Variants in MAST2 observed in about 807,000 individuals in gnomAD.
MAST2 encodes the protein microtubule associated serine/threonine kinase 2.
MAST2 carries 70 observed loss-of-function variants against 147.4 expected under a neutral mutation model. That is an observed-to-expected ratio of 0.47 (90% CI 0.39 to 0.58). MAST2 has a LOEUF of 0.58. Ranked by LOEUF, MAST2 falls within the 20% of genes least tolerant of loss-of-function variation. The pLI is 0.00. For synonymous variants in MAST2, 869 were observed against 896.8 expected, an observed-to-expected ratio of 0.97 and a Z score of 0.55; for missense variants, 2,080 against 2,302.3, an observed-to-expected ratio of 0.90 and a Z score of 1.98.
intron 1 of MAST2, among the ~76,000 whole-genome samples, chr1:45,823,308 A>T (rs1213748940): frequency 6.7e-6 from 1 of 149,674 alleles, no homozygotes; most frequent in Non-Finnish European, 1.5e-5. Context: ...TGTTTTTCAA[A>T]TGGCAGGTGA....
At chr1:45,998,922 C>T (rs1257513504) in intron 6 of MAST2, among the ~76,000 whole-genome samples, 1 of 152,034 alleles carries the variant, frequency 6.6e-6, no homozygotes, top group Non-Finnish European at 1.5e-5. Flanking sequence ...TTGATAGAGA[C>T]GGGGTTCCAC....
intron 3 of MAST2, among the ~76,000 whole-genome samples, chr1:45,854,230 G>A (rs151299597): frequency 7.2e-5 from 11 of 151,964 alleles, no homozygotes; most frequent in African/African-American, 1.2e-4. Flanking sequence ...TCATCTACTC[G>A]GGAGGCTGAG....
Position 46,022,807 on chromosome 1 carries a change from A to G in MAST2, c.1424-103A>G, listed in dbSNP as rs1227691290. On this transcript the variant is annotated intron_variant, in intron 12 of 28. Coordinates refer to ENST00000361297, the MANE Select transcript of MAST2 (RefSeq NM_015112.3). ...ATTCACATCCTAGGCTGATGCAAAA[A>G]GCATTAATGACTACCCTACATGCAC... 10 of 842,594 alleles carry G rather than the reference A, an allele frequency of 1.2e-5. No individual in the cohort carries two copies. In the Admixed American group the frequency reaches 1.6e-4, roughly 13 times the overall value. The allele number at this position is 842,594 out of a possible 1,614,324, so 52.2% of individuals were successfully genotyped here.
chr1:45,934,096 GTGTCTATTA>G (rs1655812157), intron 4 of MAST2, among the ~76,000 whole-genome samples: 1 of 151,970 alleles, frequency 6.6e-6, no homozygotes, highest in African/African-American at 2.4e-5. Context: ...GTAGGCCTTG[GTGTCTATTA>G]TTCCCTTCCT....
intron 4 of MAST2, among the ~76,000 whole-genome samples, chr1:45,927,472 CT>C (rs1342623318): frequency 6.6e-6 from 1 of 152,174 alleles, no homozygotes; most frequent in Non-Finnish European, 1.5e-5. Context: ...GGCGCGTATT[CT>C]CTTTCTCAGG....
At chr1:46,019,738 G>C in intron 11 of MAST2, 41 bp downstream of exon 11, 1 of 1,521,822 alleles carries the variant, frequency 6.6e-7, no homozygotes, top group Non-Finnish European at 9.1e-7. Flanking sequence ...AGATTTAGAG[G>C]AGGACTATAG....
At chr1:45,892,168 A>G (rs953948541) in intron 4 of MAST2, among the ~76,000 whole-genome samples, 1 of 152,218 alleles carries the variant, frequency 6.6e-6, no homozygotes, top group Non-Finnish European at 1.5e-5. Flanking sequence ...TTTTACAATT[A>G]TATTCTGGTC....
intron 4 of MAST2, among the ~76,000 whole-genome samples, chr1:45,933,983 T>C (rs7530480): frequency 0.8 from 120,789 of 151,386 alleles, 48,675 homozygotes; most frequent in East Asian, 0.98. Context: ...AATTGTGTGT[T>C]GTGGGGATTT....
At chr1:45,949,319 C>T (rs917365656) in intron 4 of MAST2, among the ~76,000 whole-genome samples, 9 of 152,276 alleles carry the variant, frequency 5.9e-5, no homozygotes, top group African/African-American at 2.2e-4. Context: ...TTGCAATCTG[C>T]ATCTGACAAA....
At chr1:45,809,919 C>A (rs182735196) in intron 1 of MAST2, among the ~76,000 whole-genome samples, 1 of 152,270 alleles carries the variant, frequency 6.6e-6, no homozygotes, top group East Asian at 1.9e-4. Context: ...ATTGTTTGAT[C>A]CATTCCTGGT....
At chr1:46,007,787 C>G (rs905358638) in intron 8 of MAST2, among the ~76,000 whole-genome samples, 1 of 152,200 alleles carries the variant, frequency 6.6e-6, no homozygotes, top group African/African-American at 2.4e-5. Context: ...GTAAATCACC[C>G]AGATGTATAA....
chr1:45,949,844 T>G (rs1658667704), intron 4 of MAST2, among the ~76,000 whole-genome samples: 1 of 152,152 alleles, frequency 6.6e-6, no homozygotes, highest in Admixed American at 6.6e-5. Context: ...ATAGATGGGA[T>G]AAAGAAAATG....
At chr1:45,845,555 AC>A (rs1305446371) in intron 3 of MAST2, among the ~76,000 whole-genome samples, 10 of 152,308 alleles carry the variant, frequency 6.6e-5, no homozygotes, top group African/African-American at 2.2e-4. Flanking sequence ...TTTAGGAAAA[AC>A]ATTGTACAAC....
At chr1:45,968,696 C>G (rs1643748774) in intron 5 of MAST2, among the ~76,000 whole-genome samples, 1 of 151,800 alleles carries the variant, frequency 6.6e-6, no homozygotes, top group African/African-American at 2.4e-5. Flanking sequence ...ATTTATCCTG[C>G]TTGGTATTTT....
At chr1:46,014,396 A>G (rs58888694) in intron 10 of MAST2, among the ~76,000 whole-genome samples, 1,492 of 133,544 alleles carry the variant, frequency 0.011, 15 homozygotes, top group East Asian at 0.037. Flanking sequence ...TCATTGTTCA[A>G]TTCCCACCTA....
chr1:46,002,717 G>A, intron 6 of MAST2, 88 bp from the exon 7 acceptor site: 1 of 1,116,580 alleles, frequency 9.0e-7, no homozygotes, highest in Non-Finnish European at 1.4e-6. Flanking sequence ...TGAATCAACT[G>A]CCCCCAAAAT....
chr1:45,834,878 C>G (rs1244122821), intron 3 of MAST2, among the ~76,000 whole-genome samples: 2 of 151,950 alleles, frequency 1.3e-5, no homozygotes, highest in Non-Finnish European at 2.9e-5. Flanking sequence ...CATTCTAAGA[C>G]TCACCCTACC....
Position 45,803,966 on chromosome 1 carries a change from G to T in MAST2, c.71G>T (p.Arg24Leu). The change falls in exon 1 of 29, where the codon CGG (arginine) becomes CTG (leucine). Residue 24 changes from arginine (R) to leucine (L), a missense_variant. Transcript: ENST00000361297. Reference sequence around the variant, plus strand: ...GACCGCCGGGAGGATGGAGTTCAGCGGGCAGCGGAGCTGTCTCAGTCTTTG... The same window carrying T: ...GACCGCCGGGAGGATGGAGTTCAGCTGGCAGCGGAGCTGTCTCAGTCTTTG... ...PPDRREDGVQRAAELSQSLPP... is the reference protein window; with the variant it reads ...PPDRREDGVQLAAELSQSLPP... 1 of 1,039,148 alleles carries T rather than the reference G, an allele frequency of 9.6e-7. No homozygotes were observed. The highest frequency in any genetic ancestry group is 1.3e-6 in the Non-Finnish European group (1 of 778,188). The allele number at this position is 1,039,148 out of a possible 1,614,324, so 64.4% of individuals were successfully genotyped here. A position where few individuals can be genotyped will look rare whatever the true frequency, so the allele number is the denominator to read the frequency against.
intron 5 of MAST2, among the ~76,000 whole-genome samples, chr1:45,974,095 G>A (rs868292572): frequency 2.6e-5 from 4 of 152,330 alleles, no homozygotes; most frequent in Middle Eastern, 6.8e-3. Flanking sequence ...TCAACAGCAA[G>A]AGAAGATCTG....
Sources: gnomAD v4.1 joint callset for allele counts (sites outside exome capture counted in the v4.1 genomes callset) on GRCh38, gnomAD v4.1.1 for gene constraint, MANE v1.5 for transcripts, NCBI Gene and HGNC (gene_info 2026-07-23, HGNC 2026-07-21) for gene names.